Variants in TMOD3 observed in about 807,000 individuals in gnomAD.
TMOD3 encodes the protein tropomodulin 3, also known as tropomodulin-3.
A neutral mutation model predicts 39.2 loss-of-function variants in TMOD3; 20 were observed. The observed-to-expected ratio is 0.51, with a 90% CI of 0.36 to 0.74. The LOEUF is 0.74. Among genes scored for constraint, TMOD3 ranks in the 30% least tolerant of loss-of-function variants. The probability of loss-of-function intolerance (pLI) is 0.00; values close to 1 mark genes in which losing one functional copy is unlikely to be tolerated. For missense variants in TMOD3, 381 were observed against 412.8 expected (o/e 0.92, Z 0.67); for synonymous variants, 143 against 145.8 (o/e 0.98, Z 0.14).
chr15:51,880,556 C>G (rs2056527603), intron 3 of TMOD3, among the ~76,000 whole-genome samples: 1 of 152,144 alleles, frequency 6.6e-6, no homozygotes, highest in South Asian at 2.1e-4. Context: ...TTTGCCTAGT[C>G]TGGATATTTC....
At chr15:51,886,533 G>A (rs879766248) in intron 3 of TMOD3, among the ~76,000 whole-genome samples, 98 of 152,226 alleles carry the variant, frequency 6.4e-4, no homozygotes, top group Non-Finnish European at 1.0e-3. Flanking sequence ...AGGCGTGGCG[G>A]TGCGCGCCCG....
chr15:51,850,731 T>G (rs924683341), intron 1 of TMOD3, among the ~76,000 whole-genome samples: 1 of 151,892 alleles, frequency 6.6e-6, no homozygotes, highest in Non-Finnish European at 1.5e-5. Context: ...GAGTTAGGTT[T>G]TTTGTTTGTT....
intron 1 of TMOD3, among the ~76,000 whole-genome samples, chr15:51,855,748 A>G (rs1248953132): frequency 6.6e-6 from 1 of 152,242 alleles, no homozygotes; most frequent in East Asian, 1.9e-4. Flanking sequence ...TAGAAGGCAG[A>G]TGTCAAAGGA....
intron 9 of TMOD3, among the ~76,000 whole-genome samples, chr15:51,905,332 C>A (rs979917615): frequency 2.0e-5 from 3 of 151,984 alleles, no homozygotes; most frequent in Non-Finnish European, 2.9e-5. Context: ...ACTAAAAATA[C>A]AAAAATTAGC....
chr15:51,871,003 T>G (rs2056472116), intron 3 of TMOD3, among the ~76,000 whole-genome samples: 1 of 152,120 alleles, frequency 6.6e-6, no homozygotes, highest in Non-Finnish European at 1.5e-5. Flanking sequence ...TTAATTGGCT[T>G]TACTTAGAGT....
At chr15:51,901,280 C>G (rs2056648768) in intron 8 of TMOD3, 1 of 152,378 alleles carries the variant, frequency 6.6e-6, no homozygotes, top group Non-Finnish European at 1.5e-5. Context: ...ATTACAAACT[C>G]TAACATGGAC....
intron 9 of TMOD3, among the ~76,000 whole-genome samples, chr15:51,908,169 A>T (rs2056691755): frequency 6.6e-6 from 1 of 152,210 alleles, no homozygotes; most frequent in African/African-American, 2.4e-5. Context: ...AGAGCATGCA[A>T]ATAGTTACTT....
At chr15:51,859,129 A>T in intron 1 of TMOD3, 1 of 636,812 alleles carries the variant, frequency 1.6e-6, no homozygotes, top group East Asian at 3.0e-5. Context: ...CATAATACAT[A>T]TTTGCCCACA....
At chr15:51,836,229 A>G (rs993248867) in intron 1 of TMOD3, among the ~76,000 whole-genome samples, 8 of 152,058 alleles carry the variant, frequency 5.3e-5, no homozygotes, top group African/African-American at 1.7e-4. Flanking sequence ...AACCATCACC[A>G]CCATTTTAGA....
At chr15:51,908,379 G>C (rs2056692715) in intron 9 of TMOD3, among the ~76,000 whole-genome samples, 1 of 152,182 alleles carries the variant, frequency 6.6e-6, no homozygotes, top group Non-Finnish European at 1.5e-5. Flanking sequence ...TCCAAGACCA[G>C]CCTAGGCAAG....
chr15:51,897,029 A>C (rs1460452357), intron 7 of TMOD3, among the ~76,000 whole-genome samples: 1 of 152,202 alleles, frequency 6.6e-6, no homozygotes, highest in Admixed American at 6.5e-5. Context: ...GATAAATCCC[A>C]CTTGATCATG....
chr15:51,844,144 A>G (rs1246456855), intron 1 of TMOD3, among the ~76,000 whole-genome samples: 1 of 152,202 alleles, frequency 6.6e-6, no homozygotes, highest in African/African-American at 2.4e-5. Flanking sequence ...CCTCCTGGAT[A>G]TATAGCAAAC....
chr15:51,869,449 A>G, intron 3 of TMOD3, 76 bp downstream of exon 3: 3 of 1,405,194 alleles, frequency 2.1e-6, no homozygotes, highest in South Asian at 2.6e-5. Flanking sequence ...GGAGAAAATC[A>G]TATTTTTAGA....
In TMOD3 at chr15:51,911,554, A is replaced by G. The variant is rs948805640; in HGVS notation, c.*2744A>G. ...ATAATAAATAGATTAGGGTTTTGCA[A>G]TAGTCTTAATTTTTAAGCCAAAGGT... is the stretch of plus-strand genomic sequence containing the variant. On this transcript the variant is annotated 3_prime_UTR_variant, in exon 10 of 10. Coordinates refer to ENST00000308580, the MANE Select transcript of TMOD3 (RefSeq NM_014547.5). The G allele has an allele frequency of 1.4e-4, 21 of 152,204 alleles. No individual in the cohort carries two copies. Among genetic ancestry groups the G allele is most frequent in the Admixed American group, 8.5e-4 (13 of 15,276 alleles). The allele number at this position is 152,204 out of a possible 1,614,324, so 9.4% of individuals were successfully genotyped here. A position where few individuals can be genotyped will look rare whatever the true frequency, so the allele number is the denominator to read the frequency against.
At chr15:51,889,693 C>T (rs980020311) in intron 5 of TMOD3, among the ~76,000 whole-genome samples, 2 of 152,008 alleles carry the variant, frequency 1.3e-5, no homozygotes, top group Admixed American at 1.3e-4. Flanking sequence ...AACGTAGACC[C>T]CCATCTCTAA....
chr15:51,844,547 T>C, intron 1 of TMOD3, among the ~76,000 whole-genome samples: 1 of 152,242 alleles, frequency 6.6e-6, no homozygotes, highest in African/African-American at 2.4e-5. Flanking sequence ...AGAGTCTTGG[T>C]TATAAAATTT....
intron 1 of TMOD3, among the ~76,000 whole-genome samples, chr15:51,846,249 T>G (rs1186607319): frequency 6.6e-6 from 1 of 152,114 alleles, no homozygotes; most frequent in African/African-American, 2.4e-5. Flanking sequence ...GAGGATTGCT[T>G]GAGCCCGGGA....
intron 1 of TMOD3, among the ~76,000 whole-genome samples, chr15:51,835,833 T>A (rs1226207539): frequency 3.3e-5 from 5 of 152,242 alleles, no homozygotes; most frequent in Admixed American, 3.3e-4. Context: ...TTCATTCTCA[T>A]ACGTATTTTT....
At chr15:51,848,634 A>G (rs2056347056) in intron 1 of TMOD3, among the ~76,000 whole-genome samples, 1 of 152,230 alleles carries the variant, frequency 6.6e-6, no homozygotes, top group African/African-American at 2.4e-5. Context: ...TGGCTAGTGA[A>G]CCGTATCTAC....
Sources: gnomAD v4.1 joint callset for allele counts (sites outside exome capture counted in the v4.1 genomes callset) on GRCh38, gnomAD v4.1.1 for gene constraint, MANE v1.5 for transcripts, NCBI Gene and HGNC (gene_info 2026-07-23, HGNC 2026-07-21) for gene names.